The following SCUBE2 variants were observed in gnomAD, a reference collection of about 807,000 sequenced individuals.
The protein encoded by SCUBE2 is signal peptide, CUB domain and EGF like domain containing 2.
A neutral mutation model predicts 125.9 loss-of-function variants in SCUBE2; 114 were observed. The observed-to-expected ratio is 0.91, with a 90% CI of 0.78 to 1.06. The LOEUF is 1.06. Among genes scored for constraint, SCUBE2 ranks in the 50% least tolerant of loss-of-function variants. The pLI, the probability that SCUBE2 is intolerant of heterozygous loss-of-function variation, is 0.00. For missense variants in SCUBE2, 1,255 were observed against 1,301.8 expected, an observed-to-expected ratio of 0.96 and a Z score of 0.55; for synonymous variants, 459 against 492.9, an observed-to-expected ratio of 0.93 and a Z score of 0.91.
chr11:9,069,263 C>A, intron 5 of SCUBE2, 107 bp downstream of exon 5: 1 of 1,470,994 alleles, frequency 6.8e-7, no homozygotes, highest in Non-Finnish European at 9.3e-7. Flanking sequence ...ACTGCCTTCC[C>A]TGCTGCTGCA....
chr11:9,066,710 C>T lies in SCUBE2; in HGVS notation c.747G>A (p.Gly249=). 1.2e-6 allele frequency: 2 copies of T among 1,614,048 alleles called. No individual in the cohort carries two copies. The highest frequency in any genetic ancestry group is 1.1e-5 in the South Asian group (1 of 91,074). ...GTTGCCACTCACCAAGGCAGCTCCT[C>T]CCATCTGTGTGCATCTTGTACTGTG... ...CHPQYKMHTD[G]RSCLEREDTV... is the part of the protein sequence containing the mutation. The change falls in exon 6 of 23, where the codon GGG becomes GGA. Residue 249 remains glycine, a synonymous_variant. Transcript: ENST00000649792.
intron 13 of SCUBE2, 68 bp downstream of exon 13, chr11:9,052,678 G>T: frequency 3.4e-6 from 4 of 1,162,348 alleles, no homozygotes; most frequent in Non-Finnish European, 4.9e-6. Context: ...TCCAAGAACA[G>T]CACCCCGTGA....
chr11:9,047,343 C>G lies in SCUBE2; in HGVS notation c.2002+13G>C. On this transcript the variant is annotated intron_variant, in intron 16 of 22. Transcript: ENST00000649792. ...AGGCTGTTCTGTTAGCAAGAATGTC[C>G]CAGGCCACTCACCACATTGGTTTTC... 6.2e-7 allele frequency: 1 copy of G among 1,613,886 alleles called. No homozygotes were observed.
intron 9 of SCUBE2, 83 bp from the exon 10 acceptor site, chr11:9,055,992 T>C: frequency 9.9e-7 from 1 of 1,009,878 alleles, no homozygotes; most frequent in Admixed American, 1.7e-5. Context: ...TACCAGTTGC[T>C]GACCAACACC....
chr11:9,080,780 C>G (rs1435855029), intron 2 of SCUBE2, among the ~76,000 whole-genome samples: 1 of 151,646 alleles, frequency 6.6e-6, no homozygotes, highest in African/African-American at 2.4e-5. Context: ...AAATTAAGAA[C>G]TTTTGCTCTT....
intron 16 of SCUBE2, 149 bp downstream of exon 16, chr11:9,047,207 G>A (rs949644189): frequency 6.5e-6 from 5 of 773,932 alleles, no homozygotes; most frequent in Middle Eastern, 3.4e-4. Flanking sequence ...AGACACAAAC[G>A]CAACAGTTAC....
At chr11:9,066,584 G>C (rs377284922) in intron 6 of SCUBE2, 113 bp downstream of exon 6, 1 of 854,970 alleles carries the variant, frequency 1.2e-6, no homozygotes, top group African/African-American at 1.6e-5. Context: ...GGCCTGCTGG[G>C]GGGGCAAATG....
At chr11:9,040,448 G>C (rs1394976234) in intron 16 of SCUBE2, among the ~76,000 whole-genome samples, 1 of 151,858 alleles carries the variant, frequency 6.6e-6, no homozygotes, top group Non-Finnish European at 1.5e-5. Flanking sequence ...TGGGTACACA[G>C]GAGAAAGGGA....
At chr11:9,072,643 A>G (rs955410779) in intron 4 of SCUBE2, among the ~76,000 whole-genome samples, 2 of 152,224 alleles carry the variant, frequency 1.3e-5, no homozygotes, top group Non-Finnish European at 2.9e-5. Flanking sequence ...CTCCGTTACC[A>G]ATTGCTATAA....
chr11:9,047,894 A>C lies in SCUBE2; in HGVS notation c.1795+49T>G, dbSNP rs76940551. On this transcript the variant is annotated intron_variant, in intron 15 of 22. Transcript: ENST00000649792. ...ATAAAAAGTGAAAGGCAAAGAAATA[A>C]GGAGCAAGCCGTGAGAAGCCTGGCA... 1.2e-4 allele frequency: 183 copies of C among 1,550,514 alleles called. No homozygotes were observed. In the African/African-American group the frequency reaches 2.1e-3, roughly 18 times the overall value.
intron 7 of SCUBE2, among the ~76,000 whole-genome samples, chr11:9,063,708 G>A (rs980607008): frequency 5.9e-5 from 9 of 152,194 alleles, no homozygotes; most frequent in African/African-American, 9.7e-5. Flanking sequence ...ACAGGAGAGC[G>A]GCAAAGGGAA....
In SCUBE2 at chr11:9,030,115, A is replaced by G. The variant is rs1299503496; in HGVS notation, c.2342-70T>C. 1.0e-5 allele frequency: 16 copies of G among 1,524,790 alleles called. No homozygotes were observed. The East Asian group carries it at 3.5e-4, about 33-fold the overall frequency. 94.5% of individuals were successfully genotyped at this position (1,524,790 alleles called of 1,614,324 possible). A position where few individuals can be genotyped will look rare whatever the true frequency, so the allele number is the denominator to read the frequency against. On this transcript the variant is annotated intron_variant, in intron 18 of 22. Transcript: ENST00000649792. The stretch of plus-strand genomic sequence containing the variant: ...ATTTTTAATCAAATGCAGCACAAAG[A>G]TTTTAAAGTTTGTGAAAGAAATGTT...
intron 21 of SCUBE2, chr11:9,025,459 C>A: frequency 2.4e-6 from 1 of 409,652 alleles, no homozygotes; most frequent in Non-Finnish European, 4.4e-6. Flanking sequence ...ACTCCAGTGC[C>A]CATGTTCTTA....
intron 4 of SCUBE2, among the ~76,000 whole-genome samples, chr11:9,072,607 A>T (rs1045970557): frequency 6.6e-5 from 10 of 152,180 alleles, no homozygotes; most frequent in Non-Finnish European, 1.2e-4. Flanking sequence ...CTATTTGAAG[A>T]ATCAAAACCC....
Position 9,048,002 on chromosome 11 carries a change from GGGGT to G in SCUBE2, c.1732_1735del (p.Thr578LeufsTer19). 2.5e-6 allele frequency: 4 copies of G among 1,614,154 alleles called. No homozygotes were observed. Among genetic ancestry groups the G allele is most frequent in the Non-Finnish European group, 3.4e-6 (4 of 1,180,020 alleles). On this transcript the variant is annotated frameshift_variant, in exon 15 of 23. Transcript: ENST00000649792. LOFTEE classifies it high-confidence loss of function. ...CTCAACAGTGATAAACATTTCCTTA[GGGGT>G]GCTTGGTCGGCCAGGGGCTCCTGGG... is the stretch of plus-strand genomic sequence containing the variant.
At chr11:9,085,583 A>T (rs990197671) in intron 2 of SCUBE2, among the ~76,000 whole-genome samples, 5 of 152,012 alleles carry the variant, frequency 3.3e-5, no homozygotes, top group Admixed American at 6.5e-5. Context: ...AAAATTAGCC[A>T]GGCGTGGTGG....
rs187816052 is a variant in SCUBE2, at chr11:9,049,717, C to T, written c.1639+889G>A. On this transcript the variant is annotated intron_variant, in intron 14 of 22. Coordinates refer to ENST00000649792, the MANE Select transcript of SCUBE2 (RefSeq NM_001367977.2). Reference sequence around the variant, plus strand: ...TGAGTTTTCTTTTTGTTTCTTCTACCACAGTTTTTCTTACACAATTTGGAT... The same window carrying T: ...TGAGTTTTCTTTTTGTTTCTTCTACTACAGTTTTTCTTACACAATTTGGAT... Among the ~76,000 whole-genome samples the T allele has an allele frequency of 2.0e-4, 31 of 152,018 alleles. No homozygotes were observed. The East Asian group carries it at 5.0e-3, about 25-fold the overall frequency.
rs573203217 is a variant in SCUBE2, at chr11:9,019,496, GTGCT to G, written c.*1545_*1548del. Among the ~76,000 whole-genome samples the G allele has an allele frequency of 1.9e-4, 28 of 144,886 alleles. No homozygotes were observed. The highest frequency in any genetic ancestry group is 7.0e-3 in the Middle Eastern group (2 of 286). ...CAAGCTCCAGTATAACAAAGTCCAAGTGCTTGTTTTAATGCTATTTTTTTTTTAA... is the reference window on the plus strand; with the variant it reads ...CAAGCTCCAGTATAACAAAGTCCAAGTGTTTTAATGCTATTTTTTTTTTAA... On this transcript the variant is annotated 3_prime_UTR_variant, in exon 23 of 23. Coordinates refer to ENST00000649792, the MANE Select transcript of SCUBE2 (RefSeq NM_001367977.2).
At chr11:9,067,779 G>A (rs1393397794) in intron 5 of SCUBE2, among the ~76,000 whole-genome samples, 1 of 152,104 alleles carries the variant, frequency 6.6e-6, no homozygotes, top group East Asian at 1.9e-4. Context: ...ATTAAAAAAA[G>A]TTAATAACAG....
Sources: allele counts gnomAD v4.1 joint callset (sites outside exome capture counted in the v4.1 genomes callset), GRCh38; gene constraint gnomAD v4.1.1; transcripts MANE v1.5; gene names NCBI Gene and HGNC (gene_info 2026-07-23, HGNC 2026-07-21).